AOPEP: variants seen among roughly 807,000 people sequenced by gnomAD.
AOPEP encodes the protein aminopeptidase O (putative).
AOPEP carries 77 observed loss-of-function variants against 98.1 expected under a neutral mutation model. The observed-to-expected ratio is 0.78, with a 90% CI of 0.65 to 0.95. AOPEP has a LOEUF of 0.95. Among genes scored for constraint, AOPEP ranks in the 40% least tolerant of loss-of-function variants. AOPEP has a pLI of 0.00. For synonymous variants in AOPEP, 346 were observed against 365.3 expected, an observed-to-expected ratio of 0.95 and a Z score of 0.60; for missense variants, 1,024 against 1,024.7, an observed-to-expected ratio of 1.00 and a Z score of 0.01.
At chr9:95,117,253 T>C in the AOPEP span, 2 of 1,463,954 alleles carry the variant, frequency 1.4e-6, no homozygotes, top group Non-Finnish European at 9.6e-7. Context: ...GAGGAGGTCA[T>C]AATTTGACAA....
At chr9:94,739,426 C>G (rs777976879) in intron 1 of AOPEP, among the ~76,000 whole-genome samples, 5 of 152,150 alleles carry the variant, frequency 3.3e-5, no homozygotes, top group Non-Finnish European at 5.9e-5. Flanking sequence ...GGGCAGATCA[C>G]CTGATATCAG....
chr9:94,778,443 CAAAA>C (rs34475660), intron 3 of AOPEP, among the ~76,000 whole-genome samples: 1 of 137,992 alleles, frequency 7.2e-6, no homozygotes, highest in Non-Finnish European at 1.6e-5. Flanking sequence ...ACTGATAAAT[CAAAA>C]AAAAAAAAAA....
chr9:95,102,848 G>A, the AOPEP span, among the ~76,000 whole-genome samples: 5 of 152,326 alleles, frequency 3.3e-5, no homozygotes, highest in Non-Finnish European at 5.9e-5. Flanking sequence ...ACGTGGTGTG[G>A]ACCATGACGT....
At chr9:95,069,086 TC>T (rs1195734868) in intron 14 of AOPEP, among the ~76,000 whole-genome samples, 1 of 152,206 alleles carries the variant, frequency 6.6e-6, no homozygotes, top group Non-Finnish European at 1.5e-5. Flanking sequence ...TTCTTAAACT[TC>T]CTACTGAACT....
chr9:94,949,576 G>C (rs1166641757), intron 7 of AOPEP, among the ~76,000 whole-genome samples: 2 of 152,324 alleles, frequency 1.3e-5, no homozygotes, highest in East Asian at 3.9e-4. Flanking sequence ...GGTCCCAGTG[G>C]GGAAGCCCTT....
At chr9:94,826,349 C>A (rs1342139184) in intron 5 of AOPEP, among the ~76,000 whole-genome samples, 3 of 152,214 alleles carry the variant, frequency 2.0e-5, no homozygotes, top group Non-Finnish European at 4.4e-5. Flanking sequence ...CCCTGTCCCT[C>A]TGGCCCTACA....
intron 14 of AOPEP, chr9:95,065,502 G>T (rs2067792242): frequency 6.6e-6 from 1 of 152,318 alleles, no homozygotes; most frequent in African/African-American, 2.4e-5. Flanking sequence ...CCTGCTGGCT[G>T]CCCTTGGTGC....
Position 94,959,120 on chromosome 9 carries a change from T to C in AOPEP, c.1872+3105T>C, listed in dbSNP as rs548633802. ...GTGCAGTGGCGCGGTCTCGGCTCAC[T>C]GCAAGCTCCGCCTCCTGGGTTCACA... On this transcript the variant is annotated intron_variant, in intron 9 of 16. Coordinates refer to ENST00000375315, the MANE Select transcript of AOPEP (RefSeq NM_001193329.3). 3.9e-5 allele frequency among the ~76,000 whole-genome samples: 6 copies of C among 152,236 alleles called. No individual in the cohort carries two copies. In the East Asian group the frequency reaches 1.2e-3, roughly 29 times the overall value.
the AOPEP span, among the ~76,000 whole-genome samples, chr9:95,144,082 A>G: frequency 7.0e-6 from 1 of 141,906 alleles, no homozygotes. Flanking sequence ...GTTAGAGTGC[A>G]TTGGTCAAAG....
intron 1 of AOPEP, among the ~76,000 whole-genome samples, chr9:94,738,444 G>A (rs1299862615): frequency 1.3e-5 from 2 of 152,136 alleles, no homozygotes; most frequent in African/African-American, 4.8e-5. Flanking sequence ...GAGTTCTCTG[G>A]CGGTTTTCAG....
At chr9:95,117,691 C>T in the AOPEP span, among the ~76,000 whole-genome samples, 1 of 151,028 alleles carries the variant, frequency 6.6e-6, no homozygotes, top group Non-Finnish European at 1.5e-5. Flanking sequence ...AAAGACTTGC[C>T]AAAGCCGTTG....
At chr9:95,040,105 G>A (rs2065159589) in intron 13 of AOPEP, among the ~76,000 whole-genome samples, 1 of 152,198 alleles carries the variant, frequency 6.6e-6, no homozygotes, top group African/African-American at 2.4e-5. Flanking sequence ...TCCCTCCCAG[G>A]GGACCTCAGT....
chr9:94,923,047 C>T (rs1195322253), intron 5 of AOPEP, among the ~76,000 whole-genome samples: 1 of 152,152 alleles, frequency 6.6e-6, no homozygotes, highest in Non-Finnish European at 1.5e-5. Context: ...GGTTTCACAA[C>T]TGTTTTTGTT....
chr9:95,117,363 G>C, the AOPEP span: 14 of 1,613,954 alleles, frequency 8.7e-6, no homozygotes, highest in Admixed American at 1.2e-4. Context: ...GAAGTGTAAG[G>C]AAAGTAGGTC....
At chr9:94,753,303 G>C (rs1256336854) in intron 1 of AOPEP, among the ~76,000 whole-genome samples, 1 of 152,160 alleles carries the variant, frequency 6.6e-6, no homozygotes, top group Non-Finnish European at 1.5e-5. Context: ...AATAAATATT[G>C]ACTTTAAAAA....
intron 1 of AOPEP, among the ~76,000 whole-genome samples, chr9:94,748,718 A>G (rs1056309449): frequency 6.6e-6 from 1 of 152,096 alleles, no homozygotes; most frequent in South Asian, 2.1e-4. Context: ...CTTGTTTTTT[A>G]TAGCCTTCAC....
chr9:94,926,227 C>A (rs1392607232), intron 6 of AOPEP, among the ~76,000 whole-genome samples: 2 of 152,194 alleles, frequency 1.3e-5, no homozygotes, highest in Non-Finnish European at 2.9e-5. Flanking sequence ...CTGGCTTGGT[C>A]CTGCCTCTTG....
chr9:94,886,193 C>A (rs779958771), intron 5 of AOPEP, among the ~76,000 whole-genome samples: 2 of 150,818 alleles, frequency 1.3e-5, no homozygotes, highest in Admixed American at 1.3e-4. Context: ...GAAGCAGAAG[C>A]CAGGGCATCT....
rs1564621093 is a variant in AOPEP at position 95,084,125 on chromosome 9, A to G, written c.*4+1406A>G. On this transcript the variant is annotated intron_variant, in intron 16 of 16. Coordinates refer to ENST00000375315, the MANE Select transcript of AOPEP (RefSeq NM_001193329.3). ...AATTTTGTATCTTTAAAAAAACTTTATCAAATCTGAAGCATTTTTCGTGTT... is the reference window on the plus strand; with the variant it reads ...AATTTTGTATCTTTAAAAAAACTTTGTCAAATCTGAAGCATTTTTCGTGTT... Among the ~76,000 whole-genome samples the G allele has an allele frequency of 7.2e-5, 11 of 152,168 alleles. No individual in the cohort carries two copies. In the South Asian group the frequency reaches 2.3e-3, roughly 31 times the overall value.
Sources: gnomAD v4.1 joint callset for allele counts (sites outside exome capture counted in the v4.1 genomes callset) on GRCh38, gnomAD v4.1.1 for gene constraint, MANE v1.5 for transcripts, NCBI Gene and HGNC (gene_info 2026-07-23, HGNC 2026-07-21) for gene names.